ADNP: variants seen among roughly 807,000 people sequenced by gnomAD.
The protein encoded by ADNP is activity dependent neuroprotector homeobox.
A neutral mutation model predicts 84.9 loss-of-function variants in ADNP; 4 were observed. That is an observed-to-expected ratio of 0.05 (90% confidence interval 0.02 to 0.11). The LOEUF is 0.11. ADNP is among the 10% of genes least tolerant of loss of function. The probability of loss-of-function intolerance (pLI) is 1.00; values close to 1 mark genes in which losing one functional copy is unlikely to be tolerated. For missense variants in ADNP, 1,132 were observed against 1,326.0 expected (o/e 0.85, Z 2.27); for synonymous variants, 554 against 468.1 (o/e 1.18, Z -2.37).
chr20:50,892,166 C>G lies in ADNP; in HGVS notation c.2548G>C (p.Asp850His), dbSNP rs1568704537. The G allele has an allele frequency of 6.2e-7, 1 of 1,614,144 alleles. No individual in the cohort carries two copies. The highest frequency in any genetic ancestry group is 8.5e-7 in the Non-Finnish European group (1 of 1,180,038). ...FDAEWLFENH[D>H]EKDSRVNASK... Reference sequence around the variant, plus strand: ...GCATTGACTCTGGAATCCTTCTCATCATGATTTTCAAATAGCCACTCAGCA... The same window carrying G: ...GCATTGACTCTGGAATCCTTCTCATGATGATTTTCAAATAGCCACTCAGCA... Residue 850 changes from aspartate to histidine, a missense_variant, in exon 6 of 6, where the codon GAT becomes CAT. Physicochemically the swap from Asp to His is moderately conservative, Grantham distance 81. This residue lies in a region of ADNP where 381 missense variants were observed against 319.9 expected (regional missense o/e 1.19). Transcript: ENST00000621696.
At chr20:50,920,696 T>C (rs1402577566) in intron 2 of ADNP, among the ~76,000 whole-genome samples, 3 of 152,062 alleles carry the variant, frequency 2.0e-5, no homozygotes, top group Non-Finnish European at 4.4e-5. Flanking sequence ...CATCACTGCC[T>C]TAGGTATGAG....
In ADNP at chr20:50,889,593, A is replaced by T. The variant is rs1288898971; in HGVS notation, c.*1812T>A. ...ACTCTCTGGTAACAGCATTAACAAGAGTCTTTCTTTTGGAAACAGACTCAG... is the reference window on the plus strand; with the variant it reads ...ACTCTCTGGTAACAGCATTAACAAGTGTCTTTCTTTTGGAAACAGACTCAG... On this transcript the variant is annotated 3_prime_UTR_variant, in exon 6 of 6. Transcript: ENST00000621696. The T allele has an allele frequency of 9.3e-6, 3 of 323,998 alleles. No homozygotes were observed. The highest frequency in any genetic ancestry group is 1.7e-5 in the Non-Finnish European group (3 of 179,510). 20.1% of individuals were successfully genotyped at this position (323,998 alleles called of 1,614,324 possible). A position where few individuals can be genotyped will look rare whatever the true frequency, so the allele number is the denominator to read the frequency against.
intron 2 of ADNP, among the ~76,000 whole-genome samples, chr20:50,916,060 T>A (rs906427152): frequency 2.0e-5 from 3 of 152,308 alleles, no homozygotes. Flanking sequence ...CCTCCAAAAA[T>A]AAACACTGAT....
intron 2 of ADNP, among the ~76,000 whole-genome samples, chr20:50,922,807 T>C (rs907646067): frequency 2.0e-5 from 3 of 152,004 alleles, no homozygotes; most frequent in African/African-American, 7.3e-5. Flanking sequence ...GGTCTCAAAC[T>C]CCTAAACTTG....
chr20:50,907,315 G>A (rs1190772976), intron 2 of ADNP, among the ~76,000 whole-genome samples: 1 of 150,472 alleles, frequency 6.6e-6, no homozygotes, highest in African/African-American at 2.5e-5. Context: ...GCCCAGGCTG[G>A]AGTGCAATGG....
In ADNP at chr20:50,908,512, T is replaced by C. The variant is rs200004628; in HGVS notation, c.-89-3663A>G. Among the ~76,000 whole-genome samples the C allele has an allele frequency of 7.5e-4, 114 of 152,206 alleles. 1 individual carries two copies. The highest frequency in any genetic ancestry group is 2.5e-3 in the East Asian group (13 of 5,170). On this transcript the variant is annotated intron_variant, in intron 2 of 5. Coordinates refer to ENST00000621696, the MANE Select transcript of ADNP (RefSeq NM_001282531.3). Reference sequence around the variant, plus strand: ...TATCTAGGCTGGGCGCGGTGGCTCATGCCTGTAATCCCAGCACTTTGGGAG... The same window carrying C: ...TATCTAGGCTGGGCGCGGTGGCTCACGCCTGTAATCCCAGCACTTTGGGAG...
In ADNP at chr20:50,926,402, C is replaced by T. The variant is rs1417713505; in HGVS notation, c.-90+2249G>A. Among the ~76,000 whole-genome samples the T allele has an allele frequency of 5.3e-5, 8 of 152,120 alleles. No homozygotes were observed. In the East Asian group the frequency reaches 1.3e-3, roughly 26 times the overall value. ...CAGTCATGGGTACTTTGGTGTAAACCACAATAATGCTTCTAATGTTGTAAA... is the reference window on the plus strand; with the variant it reads ...CAGTCATGGGTACTTTGGTGTAAACTACAATAATGCTTCTAATGTTGTAAA... On this transcript the variant is annotated intron_variant, in intron 2 of 5. Transcript: ENST00000621696.
At chr20:50,920,758 AG>A (rs1400737138) in intron 2 of ADNP, among the ~76,000 whole-genome samples, 18 of 152,210 alleles carry the variant, frequency 1.2e-4, no homozygotes, top group South Asian at 4.1e-4. Context: ...AAAGGTTCAC[AG>A]GTGAAGCTTA....
chr20:50,915,263 G>A (rs1478193376), intron 2 of ADNP, among the ~76,000 whole-genome samples: 1 of 152,090 alleles, frequency 6.6e-6, no homozygotes, highest in Non-Finnish European at 1.5e-5. Context: ...CTGTGGTCAC[G>A]GTAAAACCCT....
intron 2 of ADNP, chr20:50,914,184 G>C (rs1290783155): frequency 1.3e-6 from 1 of 779,600 alleles, no homozygotes; most frequent in East Asian, 2.4e-5. Flanking sequence ...GTAACTTCAA[G>C]ATGATTCATA....
chr20:50,906,967 TTTTTTTTTG>T (rs1288811203), intron 2 of ADNP, among the ~76,000 whole-genome samples: 3 of 92,646 alleles, frequency 3.2e-5, no homozygotes, highest in Admixed American at 1.3e-4. Flanking sequence ...GTTCCAGTTT[TTTTTTTTTG>T]TTTTTTTTTT....
At chr20:50,903,083 C>A (rs1385220161) in intron 4 of ADNP, among the ~76,000 whole-genome samples, 1 of 152,158 alleles carries the variant, frequency 6.6e-6, no homozygotes, top group African/African-American at 2.4e-5. Context: ...TCACCTATTA[C>A]GTGCAAAACA....
At chr20:50,897,784 T>C (rs1461239548) in intron 5 of ADNP, among the ~76,000 whole-genome samples, 1 of 152,206 alleles carries the variant, frequency 6.6e-6, no homozygotes, top group Non-Finnish European at 1.5e-5. Context: ...AAAGGAGGCA[T>C]TTGCTTATCA....
chr20:50,892,488 AAAG>A lies in ADNP; in HGVS notation c.2223_2225del (p.Phe742del), dbSNP rs758610238. The A allele has an allele frequency of 1.3e-5, 21 of 1,614,074 alleles. No individual in the cohort carries two copies. Among genetic ancestry groups the A allele is most frequent in the Non-Finnish European group, 5.1e-6 (6 of 1,180,052 alleles). ...CAACAGGCTCTTCAGGCTTCTCTTC[AAAG>A]AAGCTGGGTGAATCACTATCATCAT... On this transcript the variant is annotated inframe_deletion, in exon 6 of 6. Coordinates refer to ENST00000621696, the MANE Select transcript of ADNP (RefSeq NM_001282531.3).
intron 2 of ADNP, among the ~76,000 whole-genome samples, chr20:50,922,277 C>G (rs1223483092): frequency 6.6e-6 from 1 of 152,140 alleles, no homozygotes; most frequent in Admixed American, 6.5e-5. Context: ...TCATATTCCA[C>G]AAGATGGGGG....
intron 2 of ADNP, among the ~76,000 whole-genome samples, chr20:50,915,628 C>T (rs1983451536): frequency 6.6e-6 from 1 of 152,144 alleles, no homozygotes; most frequent in African/African-American, 2.4e-5. Flanking sequence ...TCCTCCCCTC[C>T]CTCCCCAATC....
At position 50,893,361 on chromosome 20, in the gene ADNP, G is replaced by T; in HGVS notation, c.1353C>A (p.Ile451=). 1 of 1,614,200 alleles carries T rather than the reference G, an allele frequency of 6.2e-7. No homozygotes were observed. The highest frequency in any genetic ancestry group is 1.1e-5 in the South Asian group (1 of 91,072). Residue 451 remains isoleucine, a synonymous_variant, in exon 6 of 6, where the codon ATC becomes ATA. Transcript: ENST00000621696. This position sits in a 1 kb window ranked among gnomAD's most constrained non-coding sequence, Gnocchi z 4.4. ...CATTTTCAGGAAAAAGCTCATTACA[G>T]ATTGTACATATTTTCCACTTTTGAG... is the stretch of plus-strand genomic sequence containing the variant. ...SSTQKWKICT[I]CNELFPENVY...
In ADNP at chr20:50,890,648, A is replaced by G. The variant is rs1035493962; in HGVS notation, c.*757T>C. The G allele has an allele frequency of 3.9e-5, 6 of 152,826 alleles. No homozygotes were observed. The highest frequency in any genetic ancestry group is 1.4e-4 in the African/African-American group (6 of 41,468). The allele number at this position is 152,826 out of a possible 1,614,324, so 9.5% of individuals were successfully genotyped here. On this transcript the variant is annotated 3_prime_UTR_variant, in exon 6 of 6. Transcript: ENST00000621696. The stretch of plus-strand genomic sequence containing the variant: ...TTTCAGAAAACAGATCTGAAATACC[A>G]GTTTTTGTTTTTGACAGCTGTAATG...
chr20:50,895,649 G>A (rs535926479), intron 5 of ADNP, among the ~76,000 whole-genome samples: 7 of 152,242 alleles, frequency 4.6e-5, no homozygotes, highest in Non-Finnish European at 2.9e-5. Context: ...GGGCTCATGC[G>A]ATCCTCCCAC....
Sources: gnomAD v4.1 joint callset for allele counts (sites outside exome capture counted in the v4.1 genomes callset) on GRCh38, gnomAD v4.1.1 for gene constraint, gnomAD v4.1.1 regional missense constraint, Gnocchi (gnomAD v3.1) non-coding constraint, MANE v1.5 for transcripts, NCBI Gene and HGNC (gene_info 2026-07-23, HGNC 2026-07-21) for gene names.